Variants in IFT46 observed in about 807,000 individuals in gnomAD.
IFT46 encodes intraflagellar transport 46, also known as intraflagellar transport protein 46 homolog.
In IFT46, 19 loss-of-function variants were observed where a neutral mutation model predicts 39.6. That is an observed-to-expected ratio of 0.48 (90% confidence interval 0.33 to 0.70). IFT46 has a LOEUF of 0.70. IFT46 is among the 30% of genes least tolerant of loss of function. The pLI is 0.01. For synonymous variants in IFT46, 117 were observed against 134.8 expected (o/e 0.87, Z 0.91); for missense variants, 334 against 364.8 (o/e 0.92, Z 0.69).
chr11:118,552,744 G>A (rs1365682887), intron 7 of IFT46, among the ~76,000 whole-genome samples: 2 of 151,222 alleles, frequency 1.3e-5, no homozygotes, highest in African/African-American at 2.4e-5. Context: ...AGTGAGCTAC[G>A]ACTGTGCCAC....
At chr11:118,552,579 G>A (rs1303561959) in intron 7 of IFT46, among the ~76,000 whole-genome samples, 1 of 152,092 alleles carries the variant, frequency 6.6e-6, no homozygotes, top group Non-Finnish European at 1.5e-5. Context: ...GATCAGTTGA[G>A]GCTAGGAGTT....
chr11:118,564,631 G>T (rs1938166547), intron 2 of IFT46, among the ~76,000 whole-genome samples: 2 of 152,098 alleles, frequency 1.3e-5, no homozygotes, highest in Admixed American at 1.3e-4. Flanking sequence ...GGTTGGGGTT[G>T]CAGGCTAAGG....
chr11:118,563,179 TCAGCCACAA>T lies in IFT46; in HGVS notation c.-36+1777_-36+1785del, dbSNP rs1395585900. On this transcript the variant is annotated intron_variant, in intron 2 of 11. Coordinates refer to ENST00000264021, the MANE Select transcript of IFT46 (RefSeq NM_001168618.2). ...AGAACATCACAATAAGTGAAGTAAG[TCAGCCACAA>T]AAGGATAAATACAGTATGATTTCAC... Among the ~76,000 whole-genome samples the T allele has an allele frequency of 7.0e-3, 1,063 of 152,146 alleles. 13 individuals are homozygous for T. The highest frequency in any genetic ancestry group is 0.024 in the African/African-American group (990 of 41,470).
At chr11:118,575,995 T>C (rs1427396989), upstream of IFT46, among the ~76,000 whole-genome samples, 1 of 151,508 alleles carries the variant, frequency 6.6e-6, no homozygotes, top group African/African-American at 2.4e-5. Context: ...TTTCTGTTAC[T>C]GTAGTTTTCA....
rs546373010 is a variant in IFT46, at chr11:118,562,238, T to C, written c.-35-2374A>G. Reference sequence around the variant, plus strand: ...GTTGCAGTGGGCCGAGATCACGCCATTGCACTCCAGCCTGGGCGACAGAGC... The same window carrying C: ...GTTGCAGTGGGCCGAGATCACGCCACTGCACTCCAGCCTGGGCGACAGAGC... On this transcript the variant is annotated intron_variant, in intron 2 of 11. Transcript: ENST00000264021. Among the ~76,000 whole-genome samples the C allele has an allele frequency of 4.6e-5, 7 of 151,762 alleles. No individual in the cohort carries two copies. The East Asian group carries it at 7.8e-4, about 17-fold the overall frequency.
intron 3 of IFT46, chr11:118,557,797 T>G (rs782000605): frequency 6.2e-7 from 1 of 1,614,094 alleles, no homozygotes; most frequent in East Asian, 2.2e-5. Flanking sequence ...TGAGAAGGGG[T>G]CTGGTGGCAC....
rs1326329291 is a variant in IFT46, at chr11:118,554,388, A to AT, written c.483+70dup. On this transcript the variant is annotated intron_variant, in intron 7 of 11. Transcript: ENST00000264021. Reference sequence around the variant, plus strand: ...TTTTGACAGGCAGTAAGTCAACTGTATGAGTGCCAGCAAGGCCTCCTCCAC... The same window carrying AT: ...TTTTGACAGGCAGTAAGTCAACTGTATTGAGTGCCAGCAAGGCCTCCTCCAC... 4 of 1,449,230 alleles carry AT rather than the reference A, an allele frequency of 2.8e-6. No homozygotes were observed. In the Admixed American group the frequency reaches 9.5e-5, roughly 34 times the overall value. The allele number at this position is 1,449,230 out of a possible 1,614,324, so 89.8% of individuals were successfully genotyped here.
chr11:118,566,666 C>G (rs12271363), upstream of IFT46, among the ~76,000 whole-genome samples: 236 of 152,332 alleles, frequency 1.5e-3, no homozygotes, highest in African/African-American at 5.3e-3. Context: ...GCACTCCAGC[C>G]TGGGCAACAA....
intron 2 of IFT46, among the ~76,000 whole-genome samples, chr11:118,562,276 C>CAA (rs1163895735): frequency 7.2e-6 from 1 of 138,072 alleles, no homozygotes. Flanking sequence ...GACTCCATCT[C>CAA]AAAAAAAAAA....
In IFT46 at chr11:118,551,714, A is replaced by G. The variant is rs1051915627; in HGVS notation, c.672+72T>C. On this transcript the variant is annotated intron_variant, in intron 9 of 11. Coordinates refer to ENST00000264021, the MANE Select transcript of IFT46 (RefSeq NM_001168618.2). ...AAGTTACCAATAATAATAATGGAGGAAGAGAAAAAACACTGGGCCCTGGAG... is the reference window on the plus strand; with the variant it reads ...AAGTTACCAATAATAATAATGGAGGGAGAGAAAAAACACTGGGCCCTGGAG... 1.1e-5 allele frequency: 12 copies of G among 1,045,784 alleles called. No homozygotes were observed. In the East Asian group the frequency reaches 2.6e-4, roughly 23 times the overall value. 64.8% of individuals were successfully genotyped at this position (1,045,784 alleles called of 1,614,324 possible). A position where few individuals can be genotyped will look rare whatever the true frequency, so the allele number is the denominator to read the frequency against.
At chr11:118,556,392 C>G (rs1237580103) in intron 4 of IFT46, among the ~76,000 whole-genome samples, 4 of 152,044 alleles carry the variant, frequency 2.6e-5, no homozygotes, top group African/African-American at 9.7e-5. Flanking sequence ...ACTCAGGAGG[C>G]TGAGGCAGGA....
At position 118,544,640 on chromosome 11, in the gene IFT46, C is replaced by A; in HGVS notation, c.*276G>T. The A allele has an allele frequency of 2.6e-6, 1 of 383,556 alleles. No homozygotes were observed. Among genetic ancestry groups the A allele is most frequent in the Non-Finnish European group, 4.7e-6 (1 of 212,788 alleles). 23.8% of individuals were successfully genotyped at this position (383,556 alleles called of 1,614,324 possible). A position where few individuals can be genotyped will look rare whatever the true frequency, so the allele number is the denominator to read the frequency against. Reference sequence around the variant, plus strand: ...ACATCTTTTAAGCTTTCCTCCCAATCTAACCTCCATGGGATCTCAGAAATT... The same window carrying A: ...ACATCTTTTAAGCTTTCCTCCCAATATAACCTCCATGGGATCTCAGAAATT... On this transcript the variant is annotated 3_prime_UTR_variant, in exon 12 of 12. Transcript: ENST00000264021.
At chr11:118,573,639 C>T (rs1555072878), upstream of IFT46, 3 of 700,912 alleles carry the variant, frequency 4.3e-6, no homozygotes, top group East Asian at 2.7e-5. Flanking sequence ...TTTAAAACAT[C>T]GTCCAGTGTA....
upstream of IFT46, among the ~76,000 whole-genome samples, chr11:118,576,426 T>TAAAAAAAAAAA (rs10671866): frequency 5.5e-5 from 6 of 108,770 alleles, no homozygotes; most frequent in Admixed American, 1.2e-4. Context: ...CCAAAAATGT[T>TAAAAAAAAAAA]AAAAAAAAAA....
At chr11:118,572,599 C>T in exon 1 of IFT46, 1 of 1,592,300 alleles carries the variant, frequency 6.3e-7, no homozygotes, top group Non-Finnish European at 8.5e-7. Context: ...GCCTCACCGT[C>T]TCTCCTTGTC....
At chr11:118,551,670 CA>C (rs537215530) in intron 9 of IFT46, 115 bp downstream of exon 9, 72,344 of 452,148 alleles carry the variant, frequency 0.16, 19 homozygotes, top group Non-Finnish European at 0.17. Flanking sequence ...GACCCTGTCT[CA>C]AAAAAAAAAA....
chr11:118,544,794 T>G lies in IFT46; in HGVS notation c.*122A>C. 5.7e-6 allele frequency: 4 copies of G among 696,948 alleles called. No individual in the cohort carries two copies. The highest frequency in any genetic ancestry group is 1.7e-5 in the South Asian group (1 of 59,090). The allele number at this position is 696,948 out of a possible 1,614,324, so 43.2% of individuals were successfully genotyped here. On this transcript the variant is annotated 3_prime_UTR_variant, in exon 12 of 12. Coordinates refer to ENST00000264021, the MANE Select transcript of IFT46 (RefSeq NM_001168618.2). ...CTCTGGCAGAGAGGGCAGCAGGACA[T>G]GCACTGCCCCTGAGCCAAGCTGTGG...
At chr11:118,576,287 CT>C (rs1938499637), upstream of IFT46, among the ~76,000 whole-genome samples, 1 of 150,726 alleles carries the variant, frequency 6.6e-6, no homozygotes, top group Non-Finnish European at 1.5e-5. Context: ...CAAAGCTCAA[CT>C]TTATGAGGGA....
At chr11:118,560,888 G>A in intron 2 of IFT46, 1 of 794,806 alleles carries the variant, frequency 1.3e-6, no homozygotes, top group Non-Finnish European at 2.2e-6. Context: ...GACTGCTTAT[G>A]CCCGTATAGA....
Sources: gnomAD v4.1 joint callset for allele counts (sites outside exome capture counted in the v4.1 genomes callset) on GRCh38, gnomAD v4.1.1 for gene constraint, MANE v1.5 for transcripts, NCBI Gene and HGNC (gene_info 2026-07-23, HGNC 2026-07-21) for gene names.